Variants in SLC25A31 observed in about 807,000 individuals in gnomAD.
The protein encoded by SLC25A31 is ADP/ATP translocase 4.
Under a neutral mutation model 36.2 loss-of-function variants are expected in SLC25A31, and 40 were observed. The observed-to-expected ratio is 1.10, with a 90% confidence interval of 0.86 to 1.44. The LOEUF (loss-of-function observed/expected upper bound fraction) is 1.44. SLC25A31 is among the 40% of genes most tolerant of loss of function. The probability of loss-of-function intolerance (pLI) is 0.00; values close to 1 mark genes in which losing one functional copy is unlikely to be tolerated. For missense variants in SLC25A31, 350 were observed against 397.1 expected (o/e 0.88, Z 1.01); for synonymous variants, 143 against 149.7 (o/e 0.96, Z 0.32).
chr4:127,763,903 A>G (rs1225107392), intron 2 of SLC25A31, among the ~76,000 whole-genome samples: 8 of 152,114 alleles, frequency 5.3e-5, no homozygotes, highest in Admixed American at 2.0e-4. Flanking sequence ...ATTAAGAATT[A>G]TGTAGCTATT....
intron 2 of SLC25A31, among the ~76,000 whole-genome samples, chr4:127,748,205 G>T (rs1322271799): frequency 1.3e-5 from 2 of 152,148 alleles, no homozygotes; most frequent in Non-Finnish European, 2.9e-5. Flanking sequence ...CACAATGTTA[G>T]CACAAACTCT....
intron 2 of SLC25A31, among the ~76,000 whole-genome samples, chr4:127,749,986 C>T (rs1217307461): frequency 6.6e-6 from 1 of 151,990 alleles, no homozygotes; most frequent in South Asian, 2.1e-4. Context: ...TATAAGTGAA[C>T]TTCTTAAAGG....
At chr4:127,768,705 A>G (rs1732292649) in intron 4 of SLC25A31, 47 bp from the exon 5 acceptor site, 1 of 1,493,272 alleles carries the variant, frequency 6.7e-7, no homozygotes, top group East Asian at 2.3e-5. Context: ...AGAATTTAAG[A>G]TATTTTAGAA....
intron 1 of SLC25A31, among the ~76,000 whole-genome samples, chr4:127,738,254 C>A (rs949055033): frequency 1.3e-5 from 2 of 151,994 alleles, no homozygotes; most frequent in African/African-American, 4.8e-5. Flanking sequence ...CCACACCCAG[C>A]TAATTTTTTG....
intron 5 of SLC25A31, 88 bp from the exon 6 acceptor site, chr4:127,773,298 A>G: frequency 8.1e-7 from 1 of 1,230,028 alleles, no homozygotes; most frequent in Non-Finnish European, 1.1e-6. Flanking sequence ...CACAGTGTTT[A>G]TCTTATCTAT....
At chr4:127,737,767 C>G (rs1731660109) in intron 1 of SLC25A31, among the ~76,000 whole-genome samples, 1 of 152,056 alleles carries the variant, frequency 6.6e-6, no homozygotes. Context: ...CTGTGTTACC[C>G]AGGCTGGTCT....
intron 5 of SLC25A31, among the ~76,000 whole-genome samples, chr4:127,772,947 AATTTTTTGT>A (rs1732392198): frequency 6.6e-6 from 1 of 151,786 alleles, no homozygotes; most frequent in South Asian, 2.1e-4. Context: ...ACACCCAGCT[AATTTTTTGT>A]ATTTTTTGTT....
chr4:127,771,831 GTAT>G (rs1359905775), intron 5 of SLC25A31, among the ~76,000 whole-genome samples: 1 of 152,138 alleles, frequency 6.6e-6, no homozygotes, highest in Non-Finnish European at 1.5e-5. Flanking sequence ...TGTTCTTTCT[GTAT>G]CTGCTGAGAT....
Position 127,730,537 on chromosome 4 carries a change from T to A in SLC25A31, c.-9T>A. ...GCCACTGCTGCCGGTTTTTATATCC[T>A]TCTCCATCATGCATCGTGAGCCTGC... On this transcript the variant is annotated 5_prime_UTR_variant, in exon 1 of 6. Transcript: ENST00000281154. 1 of 1,610,396 alleles carries A rather than the reference T, an allele frequency of 6.2e-7. No individual in the cohort carries two copies. Among genetic ancestry groups the A allele is most frequent in the Middle Eastern group, 1.7e-4 (1 of 6,048 alleles).
intron 1 of SLC25A31, among the ~76,000 whole-genome samples, chr4:127,738,634 A>G (rs1016429758): frequency 1.4e-4 from 21 of 152,150 alleles, no homozygotes; most frequent in Admixed American, 1.2e-3. Flanking sequence ...CGAATGGTCA[A>G]GTGTGGAATT....
At chr4:127,751,864 A>G (rs1253938556) in intron 2 of SLC25A31, among the ~76,000 whole-genome samples, 3 of 152,022 alleles carry the variant, frequency 2.0e-5, no homozygotes, top group African/African-American at 4.8e-5. Flanking sequence ...CAAAACCACA[A>G]TGAGATACCA....
intron 3 of SLC25A31, among the ~76,000 whole-genome samples, chr4:127,765,255 T>G (rs982083715): frequency 6.6e-6 from 1 of 152,152 alleles, no homozygotes; most frequent in Admixed American, 6.6e-5. Context: ...AGTAGTTAGT[T>G]CCTCTAATTT....
Position 127,773,394 on chromosome 4 carries a change from G to A in SLC25A31, c.768G>A (p.Glu256=). 1 of 1,612,128 alleles carries A rather than the reference G, an allele frequency of 6.2e-7. No homozygotes were observed. Among genetic ancestry groups the A allele is most frequent in the Non-Finnish European group, 8.5e-7 (1 of 1,179,450 alleles). Residue 256 remains glutamate (E), a synonymous_variant, in exon 6 of 6, where the codon GAG becomes GAA. Coordinates refer to ENST00000281154, the MANE Select transcript of SLC25A31 (RefSeq NM_031291.4). Reference sequence around the variant, plus strand: ...TGTTTTTCTTTGTATAGAGTGGTGAGGCTAAACGGCAATATAAAGGAACCT... The same window carrying A: ...TGTTTTTCTTTGTATAGAGTGGTGAAGCTAAACGGCAATATAAAGGAACCT... The part of the protein sequence containing the change: ...VRRRMMMQSG[E]AKRQYKGTLD...
intron 2 of SLC25A31, among the ~76,000 whole-genome samples, chr4:127,759,212 G>GTT (rs769362194): frequency 7.1e-4 from 97 of 136,624 alleles, no homozygotes; most frequent in Non-Finnish European, 1.1e-3. Flanking sequence ...TATTCCTATG[G>GTT]TTTTTTTTTT....
At chr4:127,772,866 T>C (rs550413022) in intron 5 of SLC25A31, among the ~76,000 whole-genome samples, 2 of 151,570 alleles carry the variant, frequency 1.3e-5, no homozygotes, top group Non-Finnish European at 2.9e-5. Flanking sequence ...ACTGCAACTT[T>C]GACCTCCCAG....
intron 5 of SLC25A31, among the ~76,000 whole-genome samples, chr4:127,772,570 T>C (rs1221145716): frequency 6.6e-6 from 1 of 152,150 alleles, no homozygotes; most frequent in Non-Finnish European, 1.5e-5. Context: ...TTGTTTTTAC[T>C]TTCTTTAGGT....
At chr4:127,772,975 A>G (rs958772277) in intron 5 of SLC25A31, among the ~76,000 whole-genome samples, 1 of 151,374 alleles carries the variant, frequency 6.6e-6, no homozygotes, top group African/African-American at 2.4e-5. Context: ...TTGAGATGGC[A>G]TTTTTCCATA....
chr4:127,735,226 T>G (rs574514461), intron 1 of SLC25A31, among the ~76,000 whole-genome samples: 7 of 152,212 alleles, frequency 4.6e-5, no homozygotes, highest in African/African-American at 7.2e-5. Context: ...AAGAAGACTA[T>G]TTGAAATATA....
At chr4:127,750,268 G>A (rs976150669) in intron 2 of SLC25A31, among the ~76,000 whole-genome samples, 7 of 152,142 alleles carry the variant, frequency 4.6e-5, no homozygotes, top group East Asian at 1.9e-4. Context: ...ACAGGTGCTC[G>A]TCAACTTACA....
Sources: gnomAD v4.1 joint callset for allele counts (sites outside exome capture counted in the v4.1 genomes callset) on GRCh38, gnomAD v4.1.1 for gene constraint, MANE v1.5 for transcripts, NCBI Gene and HGNC (gene_info 2026-07-23, HGNC 2026-07-21) for gene names.